The following NSFL1C variants were observed in gnomAD, a reference collection of about 807,000 sequenced individuals.
NSFL1C encodes the protein NSFL1 cofactor p47.
NSFL1C carries 14 observed loss-of-function variants against 43.1 expected under a neutral mutation model. The ratio of observed to expected loss-of-function variants is 0.32; its 90% CI spans 0.21 to 0.51. The LOEUF (loss-of-function observed/expected upper bound fraction) is 0.51. Ranked by LOEUF, NSFL1C falls within the 20% of genes least tolerant of loss-of-function variation. NSFL1C has a pLI of 0.98. For missense variants in NSFL1C, 406 were observed against 472.5 expected, an observed-to-expected ratio of 0.86 and a Z score of 1.30; for synonymous variants, 171 against 183.5, an observed-to-expected ratio of 0.93 and a Z score of 0.55.
intron 6 of NSFL1C, 70 bp downstream of exon 6, chr20:1,452,961 T>G: frequency 1.2e-6 from 1 of 862,608 alleles, no homozygotes; most frequent in Non-Finnish European, 2.0e-6. Flanking sequence ...TAATAAACAT[T>G]CTGCCTCCTC....
intron 7 of NSFL1C, among the ~76,000 whole-genome samples, chr20:1,446,691 C>A (rs2090066663): frequency 6.6e-6 from 1 of 152,192 alleles, no homozygotes; most frequent in African/African-American, 2.4e-5. Flanking sequence ...ACATAGGACT[C>A]CCAATTCTCC....
intron 8 of NSFL1C, 41 bp downstream of exon 8, chr20:1,445,625 G>A (rs572665151): frequency 6.2e-7 from 1 of 1,604,314 alleles, no homozygotes; most frequent in African/African-American, 1.3e-5. Context: ...GAGGCCCAGA[G>A]GACACTCCTA....
At chr20:1,460,677 T>C (rs1164226267) in intron 2 of NSFL1C, among the ~76,000 whole-genome samples, 1 of 152,188 alleles carries the variant, frequency 6.6e-6, no homozygotes, top group Non-Finnish European at 1.5e-5. Context: ...AAATGCTCTA[T>C]CTGCACTGTC....
intron 2 of NSFL1C, among the ~76,000 whole-genome samples, chr20:1,460,594 C>A (rs1355923017): frequency 1.3e-5 from 2 of 152,156 alleles, no homozygotes; most frequent in African/African-American, 2.4e-5. Context: ...TGAAGTGGCA[C>A]AAAACTCCTT....
At chr20:1,447,680 G>A (rs987876387) in intron 7 of NSFL1C, among the ~76,000 whole-genome samples, 15 of 152,078 alleles carry the variant, frequency 9.9e-5, no homozygotes, top group Non-Finnish European at 2.1e-4. Flanking sequence ...TGAAACCACC[G>A]CCTGCCAGAA....
rs779928305 is a variant in NSFL1C at position 1,458,198 on chromosome 20, A to G, written c.278+2T>C. On this transcript the variant is annotated splice_donor_variant, in intron 3 of 8. Transcript: ENST00000216879. LOFTEE classifies it high-confidence loss of function. Reference sequence around the variant, plus strand: ...CCCCCTGACCCCCTCTAGAAGACTCACCTCTGGCCTTCCTCTTCCTCCTCA... The same window carrying G: ...CCCCCTGACCCCCTCTAGAAGACTCGCCTCTGGCCTTCCTCTTCCTCCTCA... 1 of 1,613,128 alleles carries G rather than the reference A, an allele frequency of 6.2e-7. No homozygotes were observed. Among genetic ancestry groups the G allele is most frequent in the South Asian group, 1.1e-5 (1 of 91,064 alleles).
At chr20:1,444,681 C>G (rs1237219567) in intron 8 of NSFL1C, among the ~76,000 whole-genome samples, 2 of 152,236 alleles carry the variant, frequency 1.3e-5, no homozygotes, top group African/African-American at 2.4e-5. Flanking sequence ...CTGCCTGTGA[C>G]TTTTAGCAAA....
At position 1,443,813 on chromosome 20, in the gene NSFL1C, T is replaced by A. The variant is rs767822683; in HGVS notation, c.1049A>T (p.Asp350Val). The change falls in exon 9 of 9, where the codon GAT becomes GTT. Residue 350 changes from aspartate (D) to valine (V), a missense_variant. By Grantham distance (152) the Asp-to-Val change is radical. Around this residue, in one of 3 missense-constraint regions of NSFL1C, gnomAD observed 196 missense variants for 228.0 expected, o/e 0.86. Transcript: ENST00000216879. ...MTTFPNKELA[D>V]ESQTLKEANL... ...GGCTTCCTTCAGGGTCTGGCTCTCATCAGCCAGCTCTTTGTTCGGGAAAGT... is the reference window on the plus strand; with the variant it reads ...GGCTTCCTTCAGGGTCTGGCTCTCAACAGCCAGCTCTTTGTTCGGGAAAGT... 1 of 1,614,154 alleles carries A rather than the reference T, an allele frequency of 6.2e-7. No homozygotes were observed. Among genetic ancestry groups the A allele is most frequent in the Non-Finnish European group, 8.5e-7 (1 of 1,180,026 alleles).
At position 1,445,647 on chromosome 20, in the gene NSFL1C, GC is replaced by G; in HGVS notation, c.950+18del. The G allele has an allele frequency of 6.2e-7, 1 of 1,611,492 alleles. No homozygotes were observed. Among genetic ancestry groups the G allele is most frequent in the Non-Finnish European group, 8.5e-7 (1 of 1,179,498 alleles). On this transcript the variant is annotated intron_variant, in intron 8 of 8. Coordinates refer to ENST00000216879, the MANE Select transcript of NSFL1C (RefSeq NM_016143.5). ...AGAGGACACTCCTAGAATAAGCTAGGCCACACAATGCAAGGTACCTGTGGCT... is the reference window on the plus strand; with the variant it reads ...AGAGGACACTCCTAGAATAAGCTAGGCACACAATGCAAGGTACCTGTGGCT...
chr20:1,458,569 G>A (rs547434671), intron 2 of NSFL1C, among the ~76,000 whole-genome samples: 10 of 152,200 alleles, frequency 6.6e-5, no homozygotes, highest in South Asian at 4.2e-4. Flanking sequence ...TTAATATTTA[G>A]GAAAAAAAGC....
intron 3 of NSFL1C, chr20:1,457,960 C>CT (rs2090335947): frequency 9.8e-6 from 4 of 406,484 alleles, no homozygotes; most frequent in African/African-American, 8.1e-5. Flanking sequence ...ACTGCTAGAT[C>CT]TTTTCCTTGT....
intron 7 of NSFL1C, chr20:1,446,123 G>A (rs2090054694): frequency 2.0e-6 from 1 of 501,508 alleles, no homozygotes; most frequent in South Asian, 1.7e-5. Context: ...ACTGAACAAG[G>A]GCTTGAAGGG....
Position 1,453,136 on chromosome 20 carries a change from T to G in NSFL1C, c.542A>C (p.His181Pro). 1 of 1,573,514 alleles carries G rather than the reference T, an allele frequency of 6.4e-7. No individual in the cohort carries two copies. Among genetic ancestry groups the G allele is most frequent in the African/African-American group, 1.3e-5 (1 of 74,170 alleles). ...EKRQHSSQDV[H>P]VVLKLWKSGF... ...ACTCTTCCAGAGTTTCAATACTACA[T>G]GAACCTGTGATGACAGGGAGTAAAC... The change falls in exon 6 of 9, where the codon CAT (histidine) becomes CCT (proline). Residue 181 changes from histidine to proline, a missense_variant. By Grantham distance (77) the His-to-Pro change is moderately conservative. This residue lies in a region of NSFL1C where 7 missense variants were observed against 28.2 expected (regional missense o/e 0.25). Transcript: ENST00000216879.
At chr20:1,459,768 G>A (rs1285439213) in intron 2 of NSFL1C, among the ~76,000 whole-genome samples, 1 of 152,174 alleles carries the variant, frequency 6.6e-6, no homozygotes, top group East Asian at 1.9e-4. Context: ...TCCAAGTGAT[G>A]AGATCTGTAC....
At chr20:1,445,522 C>T in intron 8 of NSFL1C, 144 bp downstream of exon 8, 1 of 913,186 alleles carries the variant, frequency 1.1e-6, no homozygotes, top group South Asian at 1.6e-5. Flanking sequence ...GACTTGTAGT[C>T]CTTACCACCC....
At chr20:1,456,534 A>G (rs745573787) in intron 3 of NSFL1C, 4 of 152,212 alleles carry the variant, frequency 2.6e-5, no homozygotes, top group Non-Finnish European at 4.4e-5. Context: ...TTATTATACA[A>G]TTTTCCTTAG....
Position 1,454,200 on chromosome 20 carries a change from TG to T in NSFL1C, c.537+12del. 6.2e-7 allele frequency: 1 copy of T among 1,604,266 alleles called. No individual in the cohort carries two copies. The highest frequency in any genetic ancestry group is 8.5e-7 in the Non-Finnish European group (1 of 1,171,412). ...TCCACAAGCTTCCCTCATGGGAAGGTGGATGCACTCACATCTTGGCTGGAAT... is the reference window on the plus strand; with the variant it reads ...TCCACAAGCTTCCCTCATGGGAAGGTGATGCACTCACATCTTGGCTGGAAT... On this transcript the variant is annotated intron_variant, in intron 5 of 8. Coordinates refer to ENST00000216879, the MANE Select transcript of NSFL1C (RefSeq NM_016143.5).
At chr20:1,464,447 C>G in intron 1 of NSFL1C, 21 bp from the exon 2 acceptor site, 1 of 1,604,936 alleles carries the variant, frequency 6.2e-7, no homozygotes, top group South Asian at 1.1e-5. Context: ...GAGGTAGTAC[C>G]TTGGGACCCT....
At chr20:1,447,647 T>C (rs1193420514) in intron 7 of NSFL1C, among the ~76,000 whole-genome samples, 1 of 152,184 alleles carries the variant, frequency 6.6e-6, no homozygotes, top group Non-Finnish European at 1.5e-5. Context: ...CTATTTATAA[T>C]AATTCAAAGT....
Sources: allele counts gnomAD v4.1 joint callset (sites outside exome capture counted in the v4.1 genomes callset), GRCh38; gene constraint gnomAD v4.1.1; regional missense constraint gnomAD v4.1.1; transcripts MANE v1.5; gene names NCBI Gene and HGNC (gene_info 2026-07-23, HGNC 2026-07-21).